SNX21: variants seen among roughly 807,000 people sequenced by gnomAD.
SNX21 encodes the protein sorting nexin-21.
Under a neutral mutation model 30.9 loss-of-function variants are expected in SNX21, and 36 were observed. The observed-to-expected ratio is 1.16, with a 90% CI of 0.89 to 1.54. The LOEUF (loss-of-function observed/expected upper bound fraction) is 1.54. Among genes scored for constraint, SNX21 ranks in the 40% most tolerant of loss-of-function variants. The probability of loss-of-function intolerance (pLI) is 0.00; values close to 1 mark genes in which losing one functional copy is unlikely to be tolerated. For synonymous variants in SNX21, 218 were observed against 222.7 expected, an observed-to-expected ratio of 0.98 and a Z score of 0.19; for missense variants, 508 against 516.5, an observed-to-expected ratio of 0.98 and a Z score of 0.16.
At chr20:45,834,166 G>C (rs1164761574) in intron 1 of SNX21, 35 bp from the exon 2 acceptor site, 4 of 1,454,108 alleles carry the variant, frequency 2.8e-6, no homozygotes, top group Non-Finnish European at 2.7e-6. Flanking sequence ...CCCCTCCTCC[G>C]GGATCCGGTA....
rs56204716 is a variant in SNX21, at chr20:45,842,284, C to T, written c.*971C>T. The T allele has an allele frequency of 0.046, 65,421 of 1,426,766 alleles. 1,696 individuals are homozygous for T. Among genetic ancestry groups the T allele is most frequent in the Middle Eastern group, 0.082 (317 of 3,856 alleles). The allele number at this position is 1,426,766 out of a possible 1,614,324, so 88.4% of individuals were successfully genotyped here. ...AGGGGTAACTCCTCCCACAGGAACCCCAGTTGACAGTTTAAAAGCACTTTC... is the reference window on the plus strand; with the variant it reads ...AGGGGTAACTCCTCCCACAGGAACCTCAGTTGACAGTTTAAAAGCACTTTC... On this transcript the variant is annotated 3_prime_UTR_variant, in exon 4 of 4. Coordinates refer to ENST00000491381, the MANE Select transcript of SNX21 (RefSeq NM_033421.4).
rs947417640 is a variant in SNX21, at chr20:45,842,938, A to C, written c.*1625A>C. ...CTTGGAAAGGAGGTCAGGGTTCTGA[A>C]GCTAGACATTGATGAACGAGTCTTG... On this transcript the variant is annotated 3_prime_UTR_variant, in exon 4 of 4. Transcript: ENST00000491381. 4 of 1,010,500 alleles carry C rather than the reference A, an allele frequency of 4.0e-6. No individual in the cohort carries two copies. The African/African-American group carries it at 6.9e-5, about 18-fold the overall frequency. The allele number at this position is 1,010,500 out of a possible 1,614,324, so 62.6% of individuals were successfully genotyped here.
At position 45,841,093 on chromosome 20, in the gene SNX21, A is replaced by G; in HGVS notation, c.902A>G (p.Glu301Gly). The change falls in exon 4 of 4, where the codon GAG (glutamate) becomes GGG (glycine). Residue 301 changes from glutamate to glycine, a missense_variant. By Grantham distance (98) the Glu-to-Gly change is moderately conservative (BLOSUM62 -2). Transcript: ENST00000491381. ...VCHQELEDPGEARACCEKALQ... is the reference protein window; with the variant it reads ...VCHQELEDPGGARACCEKALQ... ...CACCAGGAGCTGGAAGACCCTGGAG[A>G]GGCCCGGGCATGCTGTGAGAAGGCC... 6.2e-7 allele frequency: 1 copy of G among 1,608,730 alleles called. No individual in the cohort carries two copies. Among genetic ancestry groups the G allele is most frequent in the East Asian group, 2.2e-5 (1 of 44,840 alleles).
In SNX21 at chr20:45,841,453, G is replaced by T. The variant is rs1039631668; in HGVS notation, c.*140G>T. The stretch of plus-strand genomic sequence containing the variant: ...AAGTTCCAAAAGAGAATGTGAAGCA[G>T]ATCAAGGAAACTTCTGTTGAGCTAG... On this transcript the variant is annotated 3_prime_UTR_variant, in exon 4 of 4. Transcript: ENST00000491381. 1.4e-6 allele frequency: 2 copies of T among 1,431,234 alleles called. No homozygotes were observed. Among genetic ancestry groups the T allele is most frequent in the South Asian group, 3.3e-5 (2 of 61,020 alleles). 88.7% of individuals were successfully genotyped at this position (1,431,234 alleles called of 1,614,324 possible). A position where few individuals can be genotyped will look rare whatever the true frequency, so the allele number is the denominator to read the frequency against.
Position 45,834,477 on chromosome 20 carries a change from A to AG in SNX21, c.289+11dup. 1 of 1,590,330 alleles carries AG rather than the reference A, an allele frequency of 6.3e-7. No individual in the cohort carries two copies. Among genetic ancestry groups the AG allele is most frequent in the South Asian group, 1.1e-5 (1 of 89,828 alleles). The stretch of plus-strand genomic sequence containing the variant: ...GTCAGGAGAAGACGCAGGCGAGTGC[A>AG]GGAGGACGGAGGCGGGAACCCTGGG... On this transcript the variant is annotated intron_variant, in intron 2 of 3. Transcript: ENST00000491381.
In SNX21 at chr20:45,841,274, C is replaced by G. The variant is rs371237363; in HGVS notation, c.1083C>G (p.Pro361=). 2.4e-5 allele frequency: 38 copies of G among 1,587,384 alleles called. No homozygotes were observed. The highest frequency in any genetic ancestry group is 5.6e-5 in the Admixed American group (3 of 53,638). ...CAGGCCTTACCCCCACACCACCCCC[C>G]AGTCTCAAAGAATTGCTCATCAAGG... The part of the protein sequence containing the change: ...QEAGLTPTPP[P]SLKELLIKEV... The change falls in exon 4 of 4, where the codon CCC becomes CCG. Residue 361 remains proline, a synonymous_variant. Coordinates refer to ENST00000491381, the MANE Select transcript of SNX21 (RefSeq NM_033421.4).
intron 3 of SNX21, 42 bp downstream of exon 3, chr20:45,835,158 T>C: frequency 6.4e-7 from 1 of 1,571,350 alleles, no homozygotes; most frequent in East Asian, 2.3e-5. Flanking sequence ...AGTCCAGAAG[T>C]ATGGCTAGGA....
rs543677265 is a variant in SNX21, at chr20:45,839,385, A to G, written c.448-1254A>G. Among the ~76,000 whole-genome samples the G allele has an allele frequency of 6.5e-3, 994 of 152,106 alleles. 9 individuals carry two copies. The highest frequency in any genetic ancestry group is 0.02 in the African/African-American group (838 of 41,532). On this transcript the variant is annotated intron_variant, in intron 3 of 3. Coordinates refer to ENST00000491381, the MANE Select transcript of SNX21 (RefSeq NM_033421.4). The stretch of plus-strand genomic sequence containing the variant: ...CAAAAAATTAGCCGGGCGTAGTGGC[A>G]GGCGCCTGTAGTCCCAGCTACTCGG...
intron 2 of SNX21, 175 bp from the exon 3 acceptor site, chr20:45,834,784 T>A: frequency 1.2e-6 from 1 of 812,916 alleles, no homozygotes; most frequent in Non-Finnish European, 2.0e-6. Context: ...ATTTAGCCCC[T>A]ACTGTCTGCC....
In SNX21 at chr20:45,841,632, A is replaced by G; in HGVS notation, c.*319A>G. The G allele has an allele frequency of 7.1e-7, 1 of 1,405,450 alleles. No homozygotes were observed. The highest frequency in any genetic ancestry group is 3.3e-5 in the Admixed American group (1 of 30,424). The allele number at this position is 1,405,450 out of a possible 1,614,324, so 87.1% of individuals were successfully genotyped here. On this transcript the variant is annotated 3_prime_UTR_variant, in exon 4 of 4. Transcript: ENST00000491381. ...CCAAGCTGGCAAGGCCTCTTGGCTG[A>G]AGGCCAGGGACTCTGCCCCTGGAGT...
In SNX21 at chr20:45,843,230, A is replaced by T; in HGVS notation, c.*1917A>T. On this transcript the variant is annotated 3_prime_UTR_variant, in exon 4 of 4. Transcript: ENST00000491381. ...TTTAGATGAGGAAACTGAGGTTCAG[A>T]TGGAAGATATGATTTGCCTATTGTA... The T allele has an allele frequency of 1.9e-6, 1 of 537,476 alleles. No homozygotes were observed. Among genetic ancestry groups the T allele is most frequent in the Admixed American group, 2.5e-5 (1 of 39,620 alleles). 33.3% of individuals were successfully genotyped at this position (537,476 alleles called of 1,614,324 possible).
In SNX21 at chr20:45,841,886, C is replaced by G. The variant is rs745510468; in HGVS notation, c.*573C>G. 1.2e-6 allele frequency: 2 copies of G among 1,611,602 alleles called. No homozygotes were observed. Among genetic ancestry groups the G allele is most frequent in the Non-Finnish European group, 1.7e-6 (2 of 1,179,454 alleles). ...GGGGCTTCACTCGGATCACGCCCTC[C>G]TGGGCACAGGTCACAGCTAGGACTC... On this transcript the variant is annotated 3_prime_UTR_variant, in exon 4 of 4. Transcript: ENST00000491381.
At position 45,834,271 on chromosome 20, in the gene SNX21, C is replaced by G. The variant is rs755795299; in HGVS notation, c.92C>G (p.Ala31Gly). 14 of 1,584,426 alleles carry G rather than the reference C, an allele frequency of 8.8e-6. No homozygotes were observed. In the African/African-American group the frequency reaches 1.6e-4, roughly 18 times the overall value. The change falls in exon 2 of 4, where the codon GCG (alanine) becomes GGG (glycine). Residue 31 changes from alanine (A) to glycine (G), a missense_variant. By Grantham distance (60) the Ala-to-Gly change is moderately conservative. Transcript: ENST00000491381. ...GCCGGCGACGGCCCCGGGGAGGCGG[C>G]GGCCAGTCCAGAGGCCGAGCAGTTT... The part of the protein sequence containing the change: ...ALAGDGPGEA[A>G]ASPEAEQFPE...
In SNX21 at chr20:45,841,563, G is replaced by A; in HGVS notation, c.*250G>A. 5.0e-6 allele frequency: 7 copies of A among 1,389,278 alleles called. No homozygotes were observed. Among genetic ancestry groups the A allele is most frequent in the East Asian group, 2.7e-5 (1 of 37,358 alleles). The allele number at this position is 1,389,278 out of a possible 1,614,324, so 86.1% of individuals were successfully genotyped here. ...CTCTCCAGCCTATAAACAGCCGGGG[G>A]GCTGTGGCACAGGTTGGGGCAATGT... On this transcript the variant is annotated 3_prime_UTR_variant, in exon 4 of 4. Coordinates refer to ENST00000491381, the MANE Select transcript of SNX21 (RefSeq NM_033421.4).
Position 45,840,991 on chromosome 20 carries a change from G to C in SNX21, c.800G>C (p.Trp267Ser). The C allele has an allele frequency of 6.2e-7, 1 of 1,610,312 alleles. No individual in the cohort carries two copies. ...REALALWANA[W>S]QLQAQLGTPS... ...GCTCTGGCACTCTGGGCCAATGCCT[G>C]GCAGCTGCAAGCCCAGCTGGGCACC... The change falls in exon 4 of 4, where the codon TGG becomes TCG. Residue 267 changes from tryptophan to serine, a missense_variant. Coordinates refer to ENST00000491381, the MANE Select transcript of SNX21 (RefSeq NM_033421.4).
At position 45,834,846 on chromosome 20, in the gene SNX21, T is replaced by C. The variant is rs188670530; in HGVS notation, c.290-113T>C. On this transcript the variant is annotated intron_variant, in intron 2 of 3. Transcript: ENST00000491381. ...CTCTCTGTCCCTCAGTTTCCATTTC[T>C]GTAAAAAGGGGGTAAGTCCTGCCTC... 1.7e-3 allele frequency: 2,428 copies of C among 1,390,482 alleles called. 5 individuals are homozygous for C. Among genetic ancestry groups the C allele is most frequent in the Admixed American group, 2.5e-3 (110 of 44,646 alleles). 86.1% of individuals were successfully genotyped at this position (1,390,482 alleles called of 1,614,324 possible). A position where few individuals can be genotyped will look rare whatever the true frequency, so the allele number is the denominator to read the frequency against.
At position 45,841,538 on chromosome 20, in the gene SNX21, C is replaced by T; in HGVS notation, c.*225C>T. 7.2e-7 allele frequency: 1 copy of T among 1,385,294 alleles called. No homozygotes were observed. The highest frequency in any genetic ancestry group is 3.5e-5 in the Admixed American group (1 of 28,870). 85.8% of individuals were successfully genotyped at this position (1,385,294 alleles called of 1,614,324 possible). Reference sequence around the variant, plus strand: ...GTAGTACAGGGAAGTCTGACACAGCCTCTCCAGCCTATAAACAGCCGGGGG... The same window carrying T: ...GTAGTACAGGGAAGTCTGACACAGCTTCTCCAGCCTATAAACAGCCGGGGG... On this transcript the variant is annotated 3_prime_UTR_variant, in exon 4 of 4. Coordinates refer to ENST00000491381, the MANE Select transcript of SNX21 (RefSeq NM_033421.4).
Position 45,842,241 on chromosome 20 carries a change from T to G in SNX21, c.*928T>G. On this transcript the variant is annotated 3_prime_UTR_variant, in exon 4 of 4. Transcript: ENST00000491381. The stretch of plus-strand genomic sequence containing the variant: ...TGCTCCAAATGCCCCTTCATGAGCT[T>G]ATTATGGACCGTCATTGAGGGGTAA... 6.9e-7 allele frequency: 1 copy of G among 1,440,106 alleles called. No individual in the cohort carries two copies. The highest frequency in any genetic ancestry group is 9.1e-7 in the Non-Finnish European group (1 of 1,103,708). 89.2% of individuals were successfully genotyped at this position (1,440,106 alleles called of 1,614,324 possible).
Position 45,841,558 on chromosome 20 carries a change from C to A in SNX21, c.*245C>A. 1.4e-6 allele frequency: 2 copies of A among 1,390,100 alleles called. No homozygotes were observed. Among genetic ancestry groups the A allele is most frequent in the Non-Finnish European group, 1.9e-6 (2 of 1,079,774 alleles). 86.1% of individuals were successfully genotyped at this position (1,390,100 alleles called of 1,614,324 possible). A position where few individuals can be genotyped will look rare whatever the true frequency, so the allele number is the denominator to read the frequency against. On this transcript the variant is annotated 3_prime_UTR_variant, in exon 4 of 4. Coordinates refer to ENST00000491381, the MANE Select transcript of SNX21 (RefSeq NM_033421.4). ...ACAGCCTCTCCAGCCTATAAACAGCCGGGGGGCTGTGGCACAGGTTGGGGC... is the reference window on the plus strand; with the variant it reads ...ACAGCCTCTCCAGCCTATAAACAGCAGGGGGGCTGTGGCACAGGTTGGGGC...
Sources: allele counts gnomAD v4.1 joint callset (sites outside exome capture counted in the v4.1 genomes callset), GRCh38; gene constraint gnomAD v4.1.1; transcripts MANE v1.5; gene names NCBI Gene and HGNC (gene_info 2026-07-23, HGNC 2026-07-21).